FBH1: variants seen among roughly 807,000 people sequenced by gnomAD.
FBH1 encodes F-box DNA helicase 1, also known as DNA 3'-5' helicase 1.
FBH1 carries 43 observed loss-of-function variants against 115.5 expected under a neutral mutation model. The observed-to-expected ratio is 0.37, with a 90% confidence interval of 0.29 to 0.48. FBH1 has a LOEUF of 0.48. FBH1 is among the 20% of genes least tolerant of loss of function. The probability of loss-of-function intolerance (pLI) is 0.99; values close to 1 mark genes in which losing one functional copy is unlikely to be tolerated. For missense variants in FBH1, 1,001 were observed against 1,337.3 expected, an observed-to-expected ratio of 0.75 and a Z score of 3.92; for synonymous variants, 524 against 507.8, an observed-to-expected ratio of 1.03 and a Z score of -0.43.
rs1231696038 is a variant in FBH1, at chr10:5,895,545, T to C, written c.1+5199T>C. On this transcript the variant is annotated intron_variant, in intron 1 of 20. Coordinates refer to ENST00000362091, the MANE Select transcript of FBH1 (RefSeq NM_178150.3). The surrounding 1 kb of genome is among the most constrained non-coding windows in gnomAD (Gnocchi z 5.0). ...TGATCCTGAATGGTTAGGGTAAGCTTTGCTGCAGTGACAAATAGATCCAGA... is the reference window on the plus strand; with the variant it reads ...TGATCCTGAATGGTTAGGGTAAGCTCTGCTGCAGTGACAAATAGATCCAGA... 1.3e-5 allele frequency among the ~76,000 whole-genome samples: 2 copies of C among 152,120 alleles called. No homozygotes were observed. The highest frequency in any genetic ancestry group is 2.9e-5 in the Non-Finnish European group (2 of 68,026).
rs1394045029 is a variant in FBH1 at position 5,933,774 on chromosome 10, C to T, written c.2830-2682C>T. 6.6e-6 allele frequency among the ~76,000 whole-genome samples: 1 copy of T among 152,034 alleles called. No homozygotes were observed. The highest frequency in any genetic ancestry group is 2.4e-5 in the African/African-American group (1 of 41,394). ...TCTCCTGTGTCAGCCTCTCAAGTAG[C>T]TGGTAGTACAGGTGTACACCACCAT... On this transcript the variant is annotated intron_variant, in intron 19 of 20. Transcript: ENST00000362091. This position sits in a 1 kb window ranked among gnomAD's most constrained non-coding sequence, Gnocchi z 4.9.
rs1412977589 is a variant in FBH1 at position 5,925,791 on chromosome 10, C to CT, written c.2722+302dup. Among the ~76,000 whole-genome samples the CT allele has an allele frequency of 6.6e-6, 1 of 152,224 alleles. No homozygotes were observed. The highest frequency in any genetic ancestry group is 1.5e-5 in the Non-Finnish European group (1 of 68,042). ...CAGCTCCAGGTTCTTCGCCATCAGA[C>CT]TTTGAGTCTCCAGCCTCATGAAAGC... On this transcript the variant is annotated intron_variant, in intron 18 of 20. Transcript: ENST00000362091. This position sits in a 1 kb window ranked among gnomAD's most constrained non-coding sequence, Gnocchi z 4.6.
intron 1 of FBH1, among the ~76,000 whole-genome samples, chr10:5,896,557 G>GACACCTGAGGGCTCTA (rs1843015044): frequency 2.6e-5 from 4 of 152,160 alleles, no homozygotes; most frequent in Admixed American, 2.6e-4. Flanking sequence ...TTTCTACCCT[G>GACACCTGAGGGCTCTA]ACACCTGAGG....
intron 13 of FBH1, among the ~76,000 whole-genome samples, chr10:5,919,005 A>ATG (rs1832150568): frequency 6.6e-6 from 1 of 152,138 alleles, no homozygotes; most frequent in Non-Finnish European, 1.5e-5. Flanking sequence ...AATTTTCTTC[A>ATG]TGTGTGTCAG....
intron 13 of FBH1, among the ~76,000 whole-genome samples, chr10:5,920,655 G>A (rs1373099086): frequency 1.3e-5 from 2 of 152,162 alleles, no homozygotes; most frequent in African/African-American, 2.4e-5. Flanking sequence ...TCTAGTTTTC[G>A]TTTGACTGTT....
chr10:5,907,779 T>C (rs959411421), intron 3 of FBH1, among the ~76,000 whole-genome samples: 1 of 152,176 alleles, frequency 6.6e-6, no homozygotes, highest in Non-Finnish European at 1.5e-5. Flanking sequence ...TGGGCAAGGG[T>C]ATGTTGTTTA....
At chr10:5,927,914 A>T (rs1832746404) in intron 19 of FBH1, among the ~76,000 whole-genome samples, 1 of 151,924 alleles carries the variant, frequency 6.6e-6, no homozygotes, top group South Asian at 2.1e-4. Context: ...TCTACTAAAA[A>T]TACATAAATT....
At chr10:5,928,586 AG>A (rs1328577827) in intron 19 of FBH1, 1 of 152,184 alleles carries the variant, frequency 6.6e-6, no homozygotes, top group East Asian at 1.9e-4. Context: ...TGCCGGGGAG[AG>A]TAAGTGTTCA....
chr10:5,910,905 C>G lies in FBH1; in HGVS notation c.1021-33C>G, dbSNP rs749155740. On this transcript the variant is annotated intron_variant, in intron 5 of 20. Coordinates refer to ENST00000362091, the MANE Select transcript of FBH1 (RefSeq NM_178150.3). This position sits in a 1 kb window ranked among gnomAD's most constrained non-coding sequence, Gnocchi z 4.8. The stretch of plus-strand genomic sequence containing the variant: ...ATTCGTATTAACCATGGCCTGTGGG[C>G]TGTCCCTCCCTCCCTGTGCACCTGG... The G allele has an allele frequency of 2.3e-5, 36 of 1,582,720 alleles. No individual in the cohort carries two copies. The highest frequency in any genetic ancestry group is 1.1e-5 in the South Asian group (1 of 87,628).
Position 5,923,503 on chromosome 10 carries a change from A to G in FBH1, c.2323-118A>G, listed in dbSNP as rs113661545. 591 of 752,036 alleles carry G rather than the reference A, an allele frequency of 7.9e-4. 5 individuals are homozygous for G. The African/African-American group carries it at 8.6e-3, about 11-fold the overall frequency. 46.6% of individuals were successfully genotyped at this position (752,036 alleles called of 1,614,324 possible). On this transcript the variant is annotated intron_variant, in intron 15 of 20. Coordinates refer to ENST00000362091, the MANE Select transcript of FBH1 (RefSeq NM_178150.3). This position sits in a 1 kb window ranked among gnomAD's most constrained non-coding sequence, Gnocchi z 5.7. ...ACTCAAGATCCATTTCCAAGAAACC[A>G]TCTCATTTCAAAACCCCATCCCTGC...
chr10:5,907,960 C>T (rs1198595290), intron 3 of FBH1, among the ~76,000 whole-genome samples: 1 of 152,106 alleles, frequency 6.6e-6, no homozygotes, highest in Non-Finnish European at 1.5e-5. Context: ...TTTCATGTGC[C>T]CTTGAGAGGA....
rs1170303421 is a variant in FBH1, at chr10:5,909,018, G to A, written c.847G>A (p.Glu283Lys). 1.2e-6 allele frequency: 2 copies of A among 1,614,234 alleles called. No homozygotes were observed. Among genetic ancestry groups the A allele is most frequent in the East Asian group, 4.5e-5 (2 of 44,896 alleles). Residue 283 changes from glutamate to lysine, a missense_variant, in exon 4 of 21, where the codon GAA (glutamate) becomes AAA (lysine). Glu to Lys is a moderately conservative substitution (Grantham distance 56). Around this residue, in one of 4 missense-constraint regions of FBH1, gnomAD observed 420 missense variants for 430.4 expected, o/e 0.98. Coordinates refer to ENST00000362091, the MANE Select transcript of FBH1 (RefSeq NM_178150.3). This position sits in a 1 kb window ranked among gnomAD's most constrained non-coding sequence, Gnocchi z 4.4. ...CGGCATCCTGTCTAACTGTGGCATAGAAAAGGAGTCAGACCTGTGTGTGCT... is the reference window on the plus strand; with the variant it reads ...CGGCATCCTGTCTAACTGTGGCATAAAAAAGGAGTCAGACCTGTGTGTGCT... ...VDGILSNCGI[E>K]KESDLCVLNL...
At chr10:5,929,016 G>A (rs1264378569) in intron 19 of FBH1, among the ~76,000 whole-genome samples, 1 of 152,108 alleles carries the variant, frequency 6.6e-6, no homozygotes, top group African/African-American at 2.4e-5. Flanking sequence ...CAGGGTGGGC[G>A]GTCACCACTT....
At chr10:5,929,435 A>AT (rs1185477958) in intron 19 of FBH1, 1 of 152,140 alleles carries the variant, frequency 6.6e-6, no homozygotes, top group African/African-American at 2.4e-5. Context: ...AATCTGATGC[A>AT]TTTTTCCCAG....
At chr10:5,889,627 T>G (rs1044812321), upstream of FBH1, 1 of 205,490 alleles carries the variant, frequency 4.9e-6, no homozygotes, top group Non-Finnish European at 9.6e-6. Context: ...CGGGGCGGTT[T>G]TTCCTCAGGG....
At position 5,921,804 on chromosome 10, in the gene FBH1, T is replaced by G. The variant is rs1430687524; in HGVS notation, c.2322+235T>G. On this transcript the variant is annotated intron_variant, in intron 15 of 20. Coordinates refer to ENST00000362091, the MANE Select transcript of FBH1 (RefSeq NM_178150.3). The surrounding 1 kb of genome is among the most constrained non-coding windows in gnomAD (Gnocchi z 6.4). Reference sequence around the variant, plus strand: ...GCTGGGGACCTTAGTTTCCACTCTTTTAACAATGAATGCCCTTCTTCCCTT... The same window carrying G: ...GCTGGGGACCTTAGTTTCCACTCTTGTAACAATGAATGCCCTTCTTCCCTT... Among the ~76,000 whole-genome samples the G allele has an allele frequency of 2.6e-5, 4 of 152,214 alleles. No individual in the cohort carries two copies. The highest frequency in any genetic ancestry group is 9.7e-5 in the African/African-American group (4 of 41,442).
chr10:5,906,376 C>T lies in FBH1; in HGVS notation c.497C>T (p.Ala166Val), dbSNP rs368256849. The change falls in exon 3 of 21, where the codon GCA becomes GTA. Residue 166 changes from alanine to valine, a missense_variant. Physicochemically the swap from Ala to Val is moderately conservative, Grantham distance 64 (BLOSUM62 0). Transcript: ENST00000362091. The surrounding 1 kb of genome is among the most constrained non-coding windows in gnomAD (Gnocchi z 7.3). The part of the protein sequence containing the change: ...CTRPREARQE[A>V]EDSTSRLSAE... Reference sequence around the variant, plus strand: ...AGGCCTAGGGAGGCCAGGCAAGAAGCAGAGGACAGTACGTCTCGGCTCTCT... The same window carrying T: ...AGGCCTAGGGAGGCCAGGCAAGAAGTAGAGGACAGTACGTCTCGGCTCTCT... The T allele has an allele frequency of 6.2e-5, 100 of 1,614,062 alleles. No homozygotes were observed. The highest frequency in any genetic ancestry group is 8.1e-5 in the Non-Finnish European group (96 of 1,179,994).
chr10:5,926,227 T>C (rs933368463), intron 18 of FBH1, among the ~76,000 whole-genome samples: 2 of 152,158 alleles, frequency 1.3e-5, no homozygotes, highest in African/African-American at 4.8e-5. Context: ...TTCAAGTGAT[T>C]CTCCTGCCTC....
rs532355487 is a variant in FBH1 at position 5,924,674 on chromosome 10, T to G, written c.2596+166T>G. On this transcript the variant is annotated intron_variant, in intron 17 of 20. Coordinates refer to ENST00000362091, the MANE Select transcript of FBH1 (RefSeq NM_178150.3). The surrounding 1 kb of genome is among the most constrained non-coding windows in gnomAD (Gnocchi z 6.2). ...TGCCCACCTTCTGGGTTCAAGCAAT[T>G]ATCCTGCCTCAGCCTCGTGAGTAGC... The G allele has an allele frequency of 2.8e-5, 20 of 712,506 alleles. No individual in the cohort carries two copies. In the African/African-American group the frequency reaches 3.5e-4, roughly 12 times the overall value. 44.1% of individuals were successfully genotyped at this position (712,506 alleles called of 1,614,324 possible). A position where few individuals can be genotyped will look rare whatever the true frequency, so the allele number is the denominator to read the frequency against.
Sources: gnomAD v4.1 joint callset for allele counts (sites outside exome capture counted in the v4.1 genomes callset) on GRCh38, gnomAD v4.1.1 for gene constraint, gnomAD v4.1.1 regional missense constraint, Gnocchi (gnomAD v3.1) non-coding constraint, MANE v1.5 for transcripts, NCBI Gene and HGNC (gene_info 2026-07-23, HGNC 2026-07-21) for gene names.